Variants in KLF7 observed in about 807,000 individuals in gnomAD.
KLF7 encodes KLF transcription factor 7, also known as Krueppel-like factor 7.
A neutral mutation model predicts 27.3 loss-of-function variants in KLF7; 2 were observed. That is an observed-to-expected ratio of 0.07 (90% CI 0.03 to 0.23). KLF7 has a LOEUF of 0.23. Ranked by LOEUF, KLF7 falls within the 10% of genes least tolerant of loss-of-function variation. The probability of loss-of-function intolerance (pLI) is 1.00; values close to 1 mark genes in which losing one functional copy is unlikely to be tolerated. For synonymous variants in KLF7, 165 were observed against 162.4 expected (o/e 1.02, Z -0.12); for missense variants, 221 against 394.1 (o/e 0.56, Z 3.72).
upstream of KLF7, among the ~76,000 whole-genome samples, chr2:207,167,991 T>G (rs2106167228): frequency 6.6e-6 from 1 of 152,148 alleles, no homozygotes; most frequent in East Asian, 1.9e-4. Context: ...TAGAAACCCC[T>G]TGCTAGTTTG....
rs931702525 is a variant in KLF7, at chr2:207,077,834, A to G, written c.*3379T>C. The G allele has an allele frequency of 6.6e-6, 1 of 152,172 alleles. No individual in the cohort carries two copies. The highest frequency in any genetic ancestry group is 1.5e-5 in the Non-Finnish European group (1 of 68,032). 9.4% of individuals were successfully genotyped at this position (152,172 alleles called of 1,614,324 possible). On this transcript the variant is annotated 3_prime_UTR_variant, in exon 4 of 4. Transcript: ENST00000309446. ...AGTGGCTTAGAAACTCTTTTTCTAC[A>G]TGAACAAATCTGAACCCTGGATAAA...
intron 1 of KLF7, among the ~76,000 whole-genome samples, chr2:207,127,245 C>T (rs2077505035): frequency 1.3e-5 from 2 of 151,856 alleles, no homozygotes; most frequent in East Asian, 1.9e-4. Flanking sequence ...TTTACTCCTC[C>T]TGAAAATTGA....
intron 1 of KLF7, among the ~76,000 whole-genome samples, chr2:207,143,345 AAGG>A (rs1433034690): frequency 6.6e-6 from 1 of 151,928 alleles, no homozygotes; most frequent in Non-Finnish European, 1.5e-5. Context: ...TTTAAAGTAA[AAGG>A]AGGAGGAGGA....
At chr2:207,158,340 T>C (rs1465321691) in intron 1 of KLF7, among the ~76,000 whole-genome samples, 9 of 147,764 alleles carry the variant, frequency 6.1e-5, no homozygotes, top group Non-Finnish European at 7.6e-5. Context: ...AAAAGACTTT[T>C]TGAAAAACCT....
At position 207,124,365 on chromosome 2, in the gene KLF7, G is replaced by A; in HGVS notation, c.142C>T (p.Arg48Trp). 6.3e-7 allele frequency: 1 copy of A among 1,588,234 alleles called. No homozygotes were observed. Among genetic ancestry groups the A allele is most frequent in the Non-Finnish European group, 8.6e-7 (1 of 1,162,774 alleles). ...ELERYLQTEP[R>W]RISETFGEDL... ...TCACCAAAGGTCTCTGAGATCCTCC[G>A]GGGCTCCGTCTGTAGGTAGCGTTCC... Residue 48 changes from arginine to tryptophan, a missense_variant, in exon 2 of 4, where the codon CGG (arginine) becomes TGG (tryptophan). Arg to Trp is a moderately radical substitution (Grantham distance 101, BLOSUM62 -3). This residue lies in a region of KLF7 where 180 missense variants were observed against 227.9 expected (regional missense o/e 0.79). Transcript: ENST00000309446.
At chr2:207,101,008 A>G (rs2076753109) in intron 2 of KLF7, among the ~76,000 whole-genome samples, 2 of 152,232 alleles carry the variant, frequency 1.3e-5, no homozygotes, top group Non-Finnish European at 2.9e-5. Flanking sequence ...CTGAGACATC[A>G]GACCATCAAA....
intron 1 of KLF7, among the ~76,000 whole-genome samples, chr2:207,142,147 G>C (rs1379695915): frequency 6.6e-6 from 1 of 152,128 alleles, no homozygotes; most frequent in Non-Finnish European, 1.5e-5. Flanking sequence ...ATAATCAATA[G>C]CTGCTCAATA....
At chr2:207,164,992 G>A (rs1312256370) in intron 1 of KLF7, among the ~76,000 whole-genome samples, 1 of 144,284 alleles carries the variant, frequency 6.9e-6, no homozygotes, top group African/African-American at 2.6e-5. Context: ...CTTTGCTCCT[G>A]CCCACCCTCC....
At chr2:207,166,932 CCCGCG>C, upstream of KLF7, 1 of 827,506 alleles carries the variant, frequency 1.2e-6, no homozygotes, top group Non-Finnish European at 1.5e-6. Flanking sequence ...CCCGCCCCGC[CCCGCG>C]GGCGCCGCCG....
chr2:207,122,173 T>C (rs1300709002), intron 2 of KLF7: 1 of 152,204 alleles, frequency 6.6e-6, no homozygotes, highest in Non-Finnish European at 1.5e-5. Flanking sequence ...GACAATAGCA[T>C]GAATCATTAG....
At chr2:207,117,057 T>C (rs1263623) in intron 2 of KLF7, among the ~76,000 whole-genome samples, 28,900 of 151,958 alleles carry the variant, frequency 0.19, 2,993 homozygotes, top group East Asian at 0.34. Flanking sequence ...TTCATGCTTT[T>C]CTTTCTCCTC....
intron 1 of KLF7, among the ~76,000 whole-genome samples, chr2:207,138,770 T>C (rs189977960): frequency 6.6e-6 from 1 of 152,222 alleles, no homozygotes; most frequent in South Asian, 2.1e-4. Flanking sequence ...GGAACACTGC[T>C]GCTAATAAAA....
At chr2:207,129,674 C>T (rs2077572098) in intron 1 of KLF7, among the ~76,000 whole-genome samples, 1 of 152,206 alleles carries the variant, frequency 6.6e-6, no homozygotes, top group African/African-American at 2.4e-5. Flanking sequence ...AAATAATAGA[C>T]TTTAAACCTA....
At chr2:207,167,227 TAGAG>T (rs1559178416), upstream of KLF7, 20 of 1,171,158 alleles carry the variant, frequency 1.7e-5, no homozygotes, top group South Asian at 2.2e-4. Flanking sequence ...GATGTAGACA[TAGAG>T]AGATCTGTTA....
intron 2 of KLF7, among the ~76,000 whole-genome samples, chr2:207,118,897 G>A (rs2077262191): frequency 6.6e-6 from 1 of 152,100 alleles, no homozygotes; most frequent in Admixed American, 6.6e-5. Context: ...TTTGTTTGTA[G>A]TATTTTTAGC....
intron 1 of KLF7, among the ~76,000 whole-genome samples, chr2:207,141,171 T>C (rs1413643829): frequency 1.3e-5 from 2 of 152,180 alleles, no homozygotes; most frequent in Non-Finnish European, 2.9e-5. Flanking sequence ...CCAAATCTTG[T>C]TTGCTTAGGG....
intron 2 of KLF7, among the ~76,000 whole-genome samples, chr2:207,097,488 G>A (rs958638857): frequency 6.6e-6 from 1 of 152,192 alleles, no homozygotes; most frequent in African/African-American, 2.4e-5. Flanking sequence ...GTATGTCCAG[G>A]GCAAAGGCAC....
At chr2:207,086,445 C>A (rs992971648) in intron 3 of KLF7, among the ~76,000 whole-genome samples, 1 of 152,120 alleles carries the variant, frequency 6.6e-6, no homozygotes, top group Non-Finnish European at 1.5e-5. Context: ...CACTATTGGC[C>A]TGTGTCGCGG....
chr2:207,106,239 TG>T, intron 2 of KLF7, among the ~76,000 whole-genome samples: 1 of 152,280 alleles, frequency 6.6e-6, no homozygotes, highest in East Asian at 1.9e-4. Context: ...TGATCAGAAT[TG>T]AACTTTAAAA....
Sources: allele counts gnomAD v4.1 joint callset (sites outside exome capture counted in the v4.1 genomes callset), GRCh38; gene constraint gnomAD v4.1.1; regional missense constraint gnomAD v4.1.1; transcripts MANE v1.5; gene names NCBI Gene and HGNC (gene_info 2026-07-23, HGNC 2026-07-21).